SUN3: variants seen among roughly 807,000 people sequenced by gnomAD.
SUN3 encodes the protein Sad1 and UNC84 domain containing 3, also known as SUN domain-containing protein 3.
A neutral mutation model predicts 48.2 loss-of-function variants in SUN3; 36 were observed. The ratio of observed to expected loss-of-function variants is 0.75; its 90% CI spans 0.57 to 0.99. The LOEUF (loss-of-function observed/expected upper bound fraction) is 0.99. Among genes scored for constraint, SUN3 ranks in the 50% least tolerant of loss-of-function variants. The probability of loss-of-function intolerance (pLI) is 0.00; values close to 1 mark genes in which losing one functional copy is unlikely to be tolerated. For missense variants in SUN3, 419 were observed against 433.1 expected, an observed-to-expected ratio of 0.97 and a Z score of 0.29; for synonymous variants, 148 against 147.9, an observed-to-expected ratio of 1.00 and a Z score of 0.00.
At position 48,002,442 on chromosome 7, in the gene SUN3, G is replaced by A. The variant is rs191062000; in HGVS notation, c.577+3527C>T. Among the ~76,000 whole-genome samples the A allele has an allele frequency of 5.7e-4, 86 of 151,748 alleles. 2 individuals carry two copies. The East Asian group carries it at 0.01, about 18-fold the overall frequency. The stretch of plus-strand genomic sequence containing the variant: ...CAAAGTGCTGGGATTACAGGCGTGA[G>A]CCACCGCGCCCGGCCTTGATTTGCA... On this transcript the variant is annotated intron_variant, in intron 6 of 9. Transcript: ENST00000297325.
chr7:48,008,166 G>A (rs1192891834), intron 4 of SUN3, among the ~76,000 whole-genome samples: 1 of 152,136 alleles, frequency 6.6e-6, no homozygotes, highest in Non-Finnish European at 1.5e-5. Context: ...ATTACTAGTA[G>A]AGAGAAAAAG....
chr7:48,021,477 G>A (rs1450248565), intron 2 of SUN3, among the ~76,000 whole-genome samples: 1 of 149,184 alleles, frequency 6.7e-6, no homozygotes, highest in African/African-American at 2.5e-5. Flanking sequence ...ACAACCCACA[G>A]AATGGGAGAA....
chr7:47,989,546 T>C lies in SUN3; in HGVS notation c.862-666A>G, dbSNP rs944755666. ...AAGTTTATTGTTAGGTTCCTTAAAT[T>C]GTAACACAGCAAAATAAACAGTACA... is the stretch of plus-strand genomic sequence containing the variant. On this transcript the variant is annotated intron_variant, in intron 8 of 9. Transcript: ENST00000297325. Among the ~76,000 whole-genome samples, 11 of 152,214 alleles carry C rather than the reference T, an allele frequency of 7.2e-5. 1 individual carries two copies. Among genetic ancestry groups the C allele is most frequent in the Admixed American group, 6.5e-4 (10 of 15,272 alleles).
intron 8 of SUN3, among the ~76,000 whole-genome samples, chr7:47,994,041 G>A (rs1789137059): frequency 6.6e-6 from 1 of 152,126 alleles, no homozygotes; most frequent in South Asian, 2.1e-4. Flanking sequence ...ATGAGAATTG[G>A]AGATGTGGAG....
chr7:48,035,255 A>G, the SUN3 span, among the ~76,000 whole-genome samples: 2 of 149,572 alleles, frequency 1.3e-5, no homozygotes, highest in South Asian at 4.2e-4. This position sits in a 1 kb window ranked among gnomAD's most constrained non-coding sequence, Gnocchi z 4.0. Context: ...CCACGTCCCC[A>G]CGTCCCCACG....
chr7:48,005,851 C>CG, intron 6 of SUN3, 118 bp downstream of exon 6: 1 of 322,496 alleles, frequency 3.1e-6, no homozygotes, highest in Non-Finnish European at 5.4e-6. Context: ...TGATTAATTT[C>CG]CCCCCCCCAA....
At chr7:48,017,188 T>G in intron 3 of SUN3, 74 bp downstream of exon 3, 4 of 710,984 alleles carry the variant, frequency 5.6e-6, no homozygotes, top group Middle Eastern at 3.3e-4. Flanking sequence ...GATAACATAT[T>G]GAAAGTTGAA....
intron 2 of SUN3, among the ~76,000 whole-genome samples, chr7:48,023,520 A>C (rs917088865): frequency 6.6e-6 from 1 of 152,162 alleles, no homozygotes; most frequent in African/African-American, 2.4e-5. Context: ...AATGAAGAAC[A>C]AAAAAGGTAT....
rs773133097 is a variant in SUN3, at chr7:48,005,993, C to G, written c.553G>C (p.Ala185Pro). The change falls in exon 6 of 10, where the codon GCT (alanine) becomes CCT (proline). Residue 185 changes from alanine (A) to proline (P), a missense_variant. Coordinates refer to ENST00000297325, the MANE Select transcript of SUN3 (RefSeq NM_001030019.2). ...KKLREDQVEM[A>P]DYALKSAGAS... ...CCGGCCGACTTCAGGGCATAATCAG[C>G]CATCTCGACTTGGTCTTCTCTCAAC... The G allele has an allele frequency of 1.2e-6, 2 of 1,612,784 alleles. No individual in the cohort carries two copies. The highest frequency in any genetic ancestry group is 3.3e-5 in the Admixed American group (2 of 59,786).
At chr7:47,990,351 T>TGTTC (rs1300280027) in intron 8 of SUN3, among the ~76,000 whole-genome samples, 5 of 145,988 alleles carry the variant, frequency 3.4e-5, no homozygotes, top group South Asian at 2.2e-4. Context: ...TTCTTTACCT[T>TGTTC]ATGATGCAGA....
intron 8 of SUN3, among the ~76,000 whole-genome samples, chr7:47,993,752 A>T (rs916994608): frequency 1.3e-5 from 2 of 152,322 alleles, no homozygotes; most frequent in East Asian, 3.9e-4. Context: ...TGATGGATAC[A>T]CAACTCTGTG....
At chr7:48,010,939 A>G (rs1178939694) in intron 3 of SUN3, among the ~76,000 whole-genome samples, 1 of 152,122 alleles carries the variant, frequency 6.6e-6, no homozygotes, top group East Asian at 1.9e-4. Flanking sequence ...GGCTCTGGGC[A>G]TTCCTAGGCT....
the SUN3 span, chr7:48,035,394 C>T: frequency 1.6e-6 from 1 of 620,858 alleles, no homozygotes. The surrounding 1 kb of genome is among the most constrained non-coding windows in gnomAD (Gnocchi z 4.0). Flanking sequence ...AGGCGGCGCC[C>T]GCGCTCCGCT....
At chr7:48,031,791 C>A (rs1166485339), upstream of SUN3, among the ~76,000 whole-genome samples, 1 of 150,844 alleles carries the variant, frequency 6.6e-6, no homozygotes, top group South Asian at 2.1e-4. Flanking sequence ...GATATAAAAA[C>A]AACCCAAGTG....
At chr7:48,029,695 A>T (rs10499671), upstream of SUN3, among the ~76,000 whole-genome samples, 10,691 of 152,194 alleles carry the variant, frequency 0.07, 1,245 homozygotes, top group African/African-American at 0.24. Context: ...TGTTATATGC[A>T]CATCACAAGG....
intron 3 of SUN3, among the ~76,000 whole-genome samples, chr7:48,011,351 C>T (rs1055045074): frequency 1.3e-5 from 2 of 152,044 alleles, no homozygotes; most frequent in Non-Finnish European, 1.5e-5. Context: ...GTGTCTTGTG[C>T]GATGTTATTC....
Position 47,987,214 on chromosome 7 carries a change from C to CT in SUN3, c.*115dup. On this transcript the variant is annotated 3_prime_UTR_variant, in exon 10 of 10. Coordinates refer to ENST00000297325, the MANE Select transcript of SUN3 (RefSeq NM_001030019.2). ...ACTTTTTACAGGCAAGTATGAACCA[C>CT]TTTGAGGTTTTCTTCCCACTCCCAA... is the stretch of plus-strand genomic sequence containing the variant. 9.0e-7 allele frequency: 1 copy of CT among 1,109,436 alleles called. No homozygotes were observed. Among genetic ancestry groups the CT allele is most frequent in the Non-Finnish European group, 1.2e-6 (1 of 817,602 alleles). The allele number at this position is 1,109,436 out of a possible 1,614,324, so 68.7% of individuals were successfully genotyped here.
intron 4 of SUN3, 119 bp from the exon 5 acceptor site, chr7:48,007,446 T>C: frequency 2.3e-6 from 2 of 885,328 alleles, no homozygotes; most frequent in Non-Finnish European, 3.4e-6. Flanking sequence ...TATACATTCT[T>C]GAGTGAGGGA....
the SUN3 span, chr7:48,035,409 G>T: frequency 1.5e-6 from 1 of 657,194 alleles, no homozygotes; most frequent in South Asian, 1.7e-5. This position sits in a 1 kb window ranked among gnomAD's most constrained non-coding sequence, Gnocchi z 4.0. Flanking sequence ...TCCGCTTCCT[G>T]CCCTGATTGG....
Sources: gnomAD v4.1 joint callset for allele counts (sites outside exome capture counted in the v4.1 genomes callset) on GRCh38, gnomAD v4.1.1 for gene constraint, Gnocchi (gnomAD v3.1) non-coding constraint, MANE v1.5 for transcripts, NCBI Gene and HGNC (gene_info 2026-07-23, HGNC 2026-07-21) for gene names.